Variants in DDX19B observed in about 807,000 individuals in gnomAD.
DDX19B encodes ATP-dependent RNA helicase DDX19B.
Under a neutral mutation model 58.1 loss-of-function variants are expected in DDX19B, and 27 were observed. The ratio of observed to expected loss-of-function variants is 0.46; its 90% confidence interval spans 0.34 to 0.64. DDX19B has a LOEUF of 0.64. DDX19B is among the 30% of genes least tolerant of loss of function. The pLI is 0.01. For missense variants in DDX19B, 399 were observed against 596.5 expected, an observed-to-expected ratio of 0.67 and a Z score of 3.45; for synonymous variants, 187 against 214.4, an observed-to-expected ratio of 0.87 and a Z score of 1.12.
chr16:70,319,611 G>C, intron 5 of DDX19B: 1 of 147,844 alleles, frequency 6.8e-6, no homozygotes, highest in East Asian at 1.9e-4. Flanking sequence ...ATATTTTAGG[G>C]CAAGTGTGGT....
rs577643850 is a variant in DDX19B, at chr16:70,299,468, A to G, written c.57+114A>G. 7.9e-6 allele frequency: 10 copies of G among 1,273,178 alleles called. No individual in the cohort carries two copies. In the East Asian group the frequency reaches 2.2e-4, roughly 28 times the overall value. The allele number at this position is 1,273,178 out of a possible 1,614,324, so 78.9% of individuals were successfully genotyped here. ...GAGGCTGGATGGGGTGGCGGGGAGGATAGGGATGGAGCCTGGACCCTGAGC... is the reference window on the plus strand; with the variant it reads ...GAGGCTGGATGGGGTGGCGGGGAGGGTAGGGATGGAGCCTGGACCCTGAGC... On this transcript the variant is annotated intron_variant, in intron 1 of 11. Transcript: ENST00000288071.
rs181412891 is a variant in DDX19B at position 70,302,557 on chromosome 16, G to T, written c.57+3203G>T. 2.0e-4 allele frequency among the ~76,000 whole-genome samples: 30 copies of T among 152,230 alleles called. 1 individual carries two copies. The highest frequency in any genetic ancestry group is 8.3e-4 in the South Asian group (4 of 4,828). ...TATTATGCATTTAGAATTCAACCAAGTTGCATGTATCAGTAGTTCATTCCT... is the reference window on the plus strand; with the variant it reads ...TATTATGCATTTAGAATTCAACCAATTTGCATGTATCAGTAGTTCATTCCT... On this transcript the variant is annotated intron_variant, in intron 1 of 11. Coordinates refer to ENST00000288071, the MANE Select transcript of DDX19B (RefSeq NM_007242.7).
chr16:70,297,036 C>T (rs569236229), upstream of DDX19B, among the ~76,000 whole-genome samples: 1 of 152,214 alleles, frequency 6.6e-6, no homozygotes, highest in African/African-American at 2.4e-5. Flanking sequence ...CTGCCTCAGC[C>T]TCCCAAGTAG....
chr16:70,322,588 C>CAAAA (rs568610716), intron 5 of DDX19B, among the ~76,000 whole-genome samples: 1 of 47,510 alleles, frequency 2.1e-5, no homozygotes, highest in Non-Finnish European at 4.0e-5. Context: ...GACCTTGTCT[C>CAAAA]AAAAAAAAAA....
rs754200118 is a variant in DDX19B, at chr16:70,314,978, TATA to T, written c.160+28_160+30del. On this transcript the variant is annotated intron_variant, in intron 3 of 11. Transcript: ENST00000288071. ...AAGGTAACACAGCCGTGGAGCTTTA[TATA>T]ATAACAAGCTTCTACATTCTAAGAA... 83 of 1,603,988 alleles carry T rather than the reference TATA, an allele frequency of 5.2e-5. 2 individuals carry two copies. The South Asian group carries it at 8.4e-4, about 16-fold the overall frequency.
At chr16:70,331,599 A>C in intron 9 of DDX19B, 123 bp from the exon 10 acceptor site, 1 of 1,319,888 alleles carries the variant, frequency 7.6e-7, no homozygotes, top group Non-Finnish European at 1.0e-6. Flanking sequence ...TTTTAAGCCT[A>C]ACCTCCTAAC....
At chr16:70,297,848 G>A (rs1024791287), upstream of DDX19B, among the ~76,000 whole-genome samples, 6 of 152,048 alleles carry the variant, frequency 3.9e-5, no homozygotes, top group African/African-American at 1.4e-4. Context: ...AGCCTCCCAA[G>A]TAGCTGGAAC....
chr16:70,332,858 TA>T, intron 10 of DDX19B, 109 bp from the exon 11 acceptor site: 1 of 1,589,994 alleles, frequency 6.3e-7, no homozygotes, highest in Non-Finnish European at 8.6e-7. Context: ...GCACGTCTCT[TA>T]GTGCCGTGTT....
At position 70,314,883 on chromosome 16, in the gene DDX19B, C is replaced by A. The variant is rs763992773; in HGVS notation, c.107-19C>A. 2 of 1,607,198 alleles carry A rather than the reference C, an allele frequency of 1.2e-6. No homozygotes were observed. Among genetic ancestry groups the A allele is most frequent in the Admixed American group, 1.7e-5 (1 of 59,754 alleles). Reference sequence around the variant, plus strand: ...TATGGGATGCGATTTTGAATGATGGCCACTTTGTGTCTATAAAGGTGCTGT... The same window carrying A: ...TATGGGATGCGATTTTGAATGATGGACACTTTGTGTCTATAAAGGTGCTGT... On this transcript the variant is annotated intron_variant, in intron 2 of 11. Transcript: ENST00000288071.
At chr16:70,297,874 C>T (rs559198731), upstream of DDX19B, among the ~76,000 whole-genome samples, 3 of 152,186 alleles carry the variant, frequency 2.0e-5, no homozygotes, top group African/African-American at 7.2e-5. Context: ...GCATGTGCGA[C>T]GACACCTGGC....
At chr16:70,311,249 G>A (rs888068556) in intron 1 of DDX19B, among the ~76,000 whole-genome samples, 8 of 151,448 alleles carry the variant, frequency 5.3e-5, no homozygotes, top group Non-Finnish European at 1.0e-4. Context: ...GCGTGGTGGC[G>A]GGCGCCTGTA....
upstream of DDX19B, among the ~76,000 whole-genome samples, chr16:70,291,756 A>G (rs1961066244): frequency 2.6e-5 from 4 of 151,768 alleles, no homozygotes; most frequent in South Asian, 8.3e-4. Context: ...GCTAGCAGTG[A>G]GCCGAGATCA....
At chr16:70,298,892 G>C (rs1961330423), upstream of DDX19B, among the ~76,000 whole-genome samples, 1 of 152,080 alleles carries the variant, frequency 6.6e-6, no homozygotes, top group African/African-American at 2.4e-5. Flanking sequence ...TTTGCATTTT[G>C]GTGACTATTG....
At chr16:70,295,068 T>TG, upstream of DDX19B, 1 of 1,284,312 alleles carries the variant, frequency 7.8e-7, no homozygotes, top group Non-Finnish European at 9.9e-7. Flanking sequence ...ATCTGTGAGG[T>TG]GGGTACTTCC....
chr16:70,319,622 G>A (rs1312875543), intron 5 of DDX19B: 2 of 149,656 alleles, frequency 1.3e-5, no homozygotes, highest in Non-Finnish European at 3.0e-5. Context: ...CAAGTGTGGT[G>A]GCTCATGCCT....
chr16:70,307,039 A>C (rs1961790727), intron 1 of DDX19B, among the ~76,000 whole-genome samples: 1 of 152,192 alleles, frequency 6.6e-6, no homozygotes, highest in African/African-American at 2.4e-5. Context: ...TAGTTGTAGC[A>C]TGTATCAGTA....
Position 70,329,767 on chromosome 16 carries a change from A to G in DDX19B, c.786-64A>G, listed in dbSNP as rs74024200. 21,265 of 1,601,886 alleles carry G rather than the reference A, an allele frequency of 0.013. 2,451 individuals carry two copies. The African/African-American group carries it at 0.25, about 19-fold the overall frequency. The stretch of plus-strand genomic sequence containing the variant: ...GGGCATCTAGACCCTCCCAGCTGGG[A>G]AGGCTGTGCTTCTGTCGCTTCCCGG... On this transcript the variant is annotated intron_variant, in intron 8 of 11. Coordinates refer to ENST00000288071, the MANE Select transcript of DDX19B (RefSeq NM_007242.7).
At chr16:70,294,051 G>GGGTA (rs1350703751), upstream of DDX19B, among the ~76,000 whole-genome samples, 1 of 151,314 alleles carries the variant, frequency 6.6e-6, no homozygotes, top group Non-Finnish European at 1.5e-5. Context: ...AATAGGTCTG[G>GGGTA]GGTAGGGCCT....
chr16:70,311,847 C>CTTTTTTT (rs914794687), intron 1 of DDX19B, among the ~76,000 whole-genome samples: 1 of 145,238 alleles, frequency 6.9e-6, no homozygotes. Context: ...CTTTTCTTTT[C>CTTTTTTT]TTTTTTTTTT....
Sources: allele counts gnomAD v4.1 joint callset (sites outside exome capture counted in the v4.1 genomes callset), GRCh38; gene constraint gnomAD v4.1.1; transcripts MANE v1.5; gene names NCBI Gene and HGNC (gene_info 2026-07-23, HGNC 2026-07-21).